Variants in ZGRF1 observed in about 807,000 individuals in gnomAD.
The protein encoded by ZGRF1 is zinc finger GRF-type containing 1.
Under a neutral mutation model 203.5 loss-of-function variants are expected in ZGRF1, and 196 were observed. The observed-to-expected ratio is 0.96, with a 90% CI of 0.86 to 1.08. ZGRF1 has a LOEUF of 1.08. Ranked by LOEUF, ZGRF1 falls within the 50% of genes least tolerant of loss-of-function variation. The probability of loss-of-function intolerance (pLI) is 0.00; values close to 1 mark genes in which losing one functional copy is unlikely to be tolerated. For missense variants in ZGRF1, 2,326 were observed against 2,416.3 expected (o/e 0.96, Z 0.78); for synonymous variants, 809 against 841.3 (o/e 0.96, Z 0.66).
chr4:112,546,641 G>A lies in ZGRF1; in HGVS notation c.5598+644C>T, dbSNP rs549896336. ...TCACATGAGTGGGTTCCTCATAAAAGGATGGATTTGTGAATGGATTAATGC... is the reference window on the plus strand; with the variant it reads ...TCACATGAGTGGGTTCCTCATAAAAAGATGGATTTGTGAATGGATTAATGC... On this transcript the variant is annotated intron_variant, in intron 24 of 27. Coordinates refer to ENST00000505019, the MANE Select transcript of ZGRF1 (RefSeq NM_018392.5). 5.3e-5 allele frequency: 8 copies of A among 152,306 alleles called. No individual in the cohort carries two copies. The South Asian group carries it at 1.7e-3, about 32-fold the overall frequency. 9.4% of individuals were successfully genotyped at this position (152,306 alleles called of 1,614,324 possible).
At position 112,619,062 on chromosome 4, in the gene ZGRF1, C is replaced by T. The variant is rs2046980596; in HGVS notation, c.980G>A (p.Trp327Ter). 6.2e-7 allele frequency: 1 copy of T among 1,613,834 alleles called. No individual in the cohort carries two copies. The highest frequency in any genetic ancestry group is 1.7e-5 in the Admixed American group (1 of 59,972). ...SENTMRNKSRWAMYLSSQSSP... is the reference protein window; with the variant it reads ...SENTMRNKSR ...ACTCTGTGAGGATAAATACATGGCCCACCGGCTTTTATTTCTCATGGTATT... is the reference window on the plus strand; with the variant it reads ...ACTCTGTGAGGATAAATACATGGCCTACCGGCTTTTATTTCTCATGGTATT... Residue 327 changes from tryptophan to a stop codon, truncating the protein, a stop_gained, in exon 6 of 28, where the codon TGG (tryptophan) becomes TAG (stop). Transcript: ENST00000505019. LOFTEE classifies it high-confidence loss of function.
intron 6 of ZGRF1, among the ~76,000 whole-genome samples, chr4:112,616,652 T>C (rs898561346): frequency 6.0e-5 from 9 of 150,784 alleles, no homozygotes; most frequent in Admixed American, 1.3e-4. Flanking sequence ...CTGGCCAACA[T>C]AGTGAAACCC....
rs1741794299 is a variant in ZGRF1, at chr4:112,560,711, T to C, written c.4960+22A>G. On this transcript the variant is annotated intron_variant, in intron 19 of 27. Coordinates refer to ENST00000505019, the MANE Select transcript of ZGRF1 (RefSeq NM_018392.5). ...CTTACAAATAGAAAACAATTACAAT[T>C]ATTTTCTTTCTTGCTTCTTACCATG... 5.2e-6 allele frequency: 8 copies of C among 1,538,980 alleles called. No individual in the cohort carries two copies. The Middle Eastern group carries it at 1.2e-3, about 235-fold the overall frequency.
intron 16 of ZGRF1, among the ~76,000 whole-genome samples, chr4:112,565,922 G>A (rs1442169070): frequency 6.6e-6 from 1 of 152,202 alleles, no homozygotes; most frequent in African/African-American, 2.4e-5. Flanking sequence ...GTTCAACCCT[G>A]TGGAAGTCAG....
intron 11 of ZGRF1, among the ~76,000 whole-genome samples, chr4:112,588,736 G>C (rs1747657496): frequency 6.6e-6 from 1 of 152,108 alleles, no homozygotes; most frequent in African/African-American, 2.4e-5. Context: ...GTGCCTTCCT[G>C]ACAGAGTTTC....
chr4:112,606,146 T>A (rs970421732), intron 8 of ZGRF1, 55 bp from the exon 9 acceptor site: 6 of 1,111,230 alleles, frequency 5.4e-6, no homozygotes, highest in Admixed American at 2.3e-5. Flanking sequence ...TCACAGGTGA[T>A]TCATGATTTT....
intron 4 of ZGRF1, among the ~76,000 whole-genome samples, chr4:112,622,164 GAAT>G (rs2047081950): frequency 6.6e-6 from 1 of 152,008 alleles, no homozygotes; most frequent in Non-Finnish European, 1.5e-5. Context: ...ATTTCAAAAT[GAAT>G]ATTATGGCCA....
At chr4:112,611,624 G>A (rs1439537246) in intron 7 of ZGRF1, among the ~76,000 whole-genome samples, 1 of 152,034 alleles carries the variant, frequency 6.6e-6, no homozygotes, top group Non-Finnish European at 1.5e-5. Flanking sequence ...AACTACCATG[G>A]TTCCCAAACT....
Position 112,541,241 on chromosome 4 carries a change from G to T in ZGRF1, c.5626C>A (p.Gln1876Lys). The change falls in exon 25 of 28, where the codon CAA becomes AAA. Residue 1876 changes from glutamine to lysine, a missense_variant. Physicochemically the swap from Gln to Lys is moderately conservative, Grantham distance 53 (BLOSUM62 1). Coordinates refer to ENST00000505019, the MANE Select transcript of ZGRF1 (RefSeq NM_018392.5). Reference sequence around the variant, plus strand: ...CTGATTGCAGGATGACAACGGTATTGAGTTCTCAATAGAATTGGCTTGTGA... The same window carrying T: ...CTGATTGCAGGATGACAACGGTATTTAGTTCTCAATAGAATTGGCTTGTGA... ...MGHKPILLRT[Q>K]YRCHPAISAI... is the part of the protein sequence containing the mutation. The T allele has an allele frequency of 6.3e-7, 1 of 1,598,018 alleles. No individual in the cohort carries two copies. Among genetic ancestry groups the T allele is most frequent in the South Asian group, 1.1e-5 (1 of 87,630 alleles).
intron 15 of ZGRF1, among the ~76,000 whole-genome samples, chr4:112,583,082 G>A (rs1382978272): frequency 6.6e-6 from 1 of 151,898 alleles, no homozygotes; most frequent in Non-Finnish European, 1.5e-5. Flanking sequence ...ACTATAAAAC[G>A]GGAATAACTT....
At chr4:112,577,994 A>G (rs1745542102) in intron 16 of ZGRF1, among the ~76,000 whole-genome samples, 1 of 122,726 alleles carries the variant, frequency 8.1e-6, no homozygotes, top group Non-Finnish European at 1.8e-5. Context: ...TCAGCACCAC[A>G]CCACACCTAT....
chr4:112,619,150 G>C lies in ZGRF1; in HGVS notation c.892C>G (p.Gln298Glu). 4.3e-6 allele frequency: 7 copies of C among 1,613,730 alleles called. No homozygotes were observed. The highest frequency in any genetic ancestry group is 5.1e-6 in the Non-Finnish European group (6 of 1,179,966). The change falls in exon 6 of 28, where the codon CAA (glutamine) becomes GAA (glutamate). Residue 298 changes from glutamine to glutamate, a missense_variant. Gln to Glu is a conservative substitution (Grantham distance 29, BLOSUM62 2). Transcript: ENST00000505019. ...KIATKPKYLI[Q>E]QEECAEMKST... The stretch of plus-strand genomic sequence containing the variant: ...TTCATCTCAGCACACTCTTCCTGTT[G>C]AATTAGGTACTTTGGTTTAGTAGCA...
At chr4:112,550,437 G>GTT (rs1486738384) in intron 22 of ZGRF1, among the ~76,000 whole-genome samples, 1 of 151,964 alleles carries the variant, frequency 6.6e-6, no homozygotes, top group Non-Finnish European at 1.5e-5. Flanking sequence ...GAATCAAACA[G>GTT]TTTTTAAAAA....
chr4:112,546,072 G>GTAATACTAATAATAATAA (rs1738695370), intron 24 of ZGRF1, among the ~76,000 whole-genome samples: 1 of 147,254 alleles, frequency 6.8e-6, no homozygotes, highest in African/African-American at 2.5e-5. Context: ...GTACTTTAAA[G>GTAATACTAATAATAATAA]TAATAATAAT....
At chr4:112,582,726 C>T (rs1169351171) in intron 15 of ZGRF1, among the ~76,000 whole-genome samples, 1 of 152,190 alleles carries the variant, frequency 6.6e-6, no homozygotes, top group Non-Finnish European at 1.5e-5. Flanking sequence ...TCCCAAAGTT[C>T]TGGGATTACA....
intron 8 of ZGRF1, among the ~76,000 whole-genome samples, chr4:112,608,406 G>A (rs1343051877): frequency 6.6e-6 from 1 of 152,114 alleles, no homozygotes; most frequent in African/African-American, 2.4e-5. Flanking sequence ...ATAGCCTGAG[G>A]TCAGGAGTTC....
rs549004128 is a variant in ZGRF1, at chr4:112,626,298, T to C, written c.103-2422A>G. ...AAAAAATGGTATTCTTGTCCCTCTT[T>C]TAATTTGATACACCCTCCCTGAGCA... On this transcript the variant is annotated intron_variant, in intron 3 of 27. Coordinates refer to ENST00000505019, the MANE Select transcript of ZGRF1 (RefSeq NM_018392.5). 2.9e-4 allele frequency among the ~76,000 whole-genome samples: 38 copies of C among 131,784 alleles called. No individual in the cohort carries two copies. The South Asian group carries it at 6.0e-3, about 21-fold the overall frequency. 86.5% of individuals were successfully genotyped at this position (131,784 alleles called of 152,430 possible).
intron 12 of ZGRF1, 116 bp downstream of exon 12, chr4:112,587,164 C>CA: frequency 4.5e-6 from 4 of 879,866 alleles, no homozygotes; most frequent in South Asian, 3.4e-5. Flanking sequence ...GAGTTAGGAT[C>CA]AAAAAAAGCC....
intron 24 of ZGRF1, among the ~76,000 whole-genome samples, chr4:112,546,435 T>G (rs1449561275): frequency 3.3e-5 from 5 of 152,074 alleles, no homozygotes; most frequent in Non-Finnish European, 5.9e-5. Context: ...GAAAAAAAAG[T>G]TTTTTTTAAG....
Sources: gnomAD v4.1 joint callset for allele counts (sites outside exome capture counted in the v4.1 genomes callset) on GRCh38, gnomAD v4.1.1 for gene constraint, MANE v1.5 for transcripts, NCBI Gene and HGNC (gene_info 2026-07-23, HGNC 2026-07-21) for gene names.